The following OXSR1 variants were observed in gnomAD, a reference collection of about 807,000 sequenced individuals.
OXSR1 encodes the protein serine/threonine-protein kinase OSR1.
OXSR1 carries 24 observed loss-of-function variants against 79.8 expected under a neutral mutation model. The observed-to-expected ratio is 0.30, with a 90% confidence interval of 0.22 to 0.42. The LOEUF (loss-of-function observed/expected upper bound fraction) is 0.42, where lower values mean the gene tolerates loss of function less well. Among genes scored for constraint, OXSR1 ranks in the 10% least tolerant of loss-of-function variants. OXSR1 has a pLI of 1.00. For missense variants in OXSR1, 430 were observed against 618.4 expected (o/e 0.70, Z 3.23); for synonymous variants, 226 against 209.2 (o/e 1.08, Z -0.69).
rs1466272312 is a variant in OXSR1, at chr3:38,198,705, A to G, written c.293-17A>G. ...ATGATTTAGAGATTTTTAGAAAATT[A>G]TGTCTTCTGTTTTCAGGTTCTGTTC... On this transcript the variant is annotated splice_polypyrimidine_tract_variant and intron_variant, in intron 3 of 17. Transcript: ENST00000311806. The G allele has an allele frequency of 1.9e-6, 3 of 1,597,076 alleles. No individual in the cohort carries two copies. The highest frequency in any genetic ancestry group is 1.1e-5 in the South Asian group (1 of 89,774).
At chr3:38,203,582 CT>C (rs1281723222) in intron 4 of OXSR1, among the ~76,000 whole-genome samples, 6 of 152,116 alleles carry the variant, frequency 3.9e-5, no homozygotes, top group African/African-American at 1.4e-4. Context: ...CTCTTATAGA[CT>C]CATAGTGGTA....
At position 38,251,334 on chromosome 3, in the gene OXSR1, A is replaced by G. The variant is rs1277905921; in HGVS notation, c.1376-69A>G. On this transcript the variant is annotated intron_variant, in intron 15 of 17. Transcript: ENST00000311806. ...CCTAGCATGGCACACTGACACCCAC[A>G]TGAGCTGTGAGAGTTAACAGTGGCA... is the stretch of plus-strand genomic sequence containing the variant. The G allele has an allele frequency of 4.7e-6, 6 of 1,288,792 alleles. No homozygotes were observed. In the African/African-American group the frequency reaches 7.3e-5, roughly 16 times the overall value. The allele number at this position is 1,288,792 out of a possible 1,614,324, so 79.8% of individuals were successfully genotyped here. A position where few individuals can be genotyped will look rare whatever the true frequency, so the allele number is the denominator to read the frequency against.
intron 2 of OXSR1, among the ~76,000 whole-genome samples, chr3:38,190,119 A>AAGC (rs34352471): frequency 0.014 from 2,135 of 152,278 alleles, 52 homozygotes; most frequent in African/African-American, 0.049. Flanking sequence ...GAGTTAAAAG[A>AAGC]AGGTAAACAG....
intron 4 of OXSR1, among the ~76,000 whole-genome samples, chr3:38,201,515 C>T (rs992838044): frequency 6.6e-6 from 1 of 152,110 alleles, no homozygotes; most frequent in East Asian, 1.9e-4. Flanking sequence ...TTGAGACCAT[C>T]CTGGCTAACA....
chr3:38,192,680 C>T (rs1702005481), intron 3 of OXSR1, among the ~76,000 whole-genome samples: 1 of 152,130 alleles, frequency 6.6e-6, no homozygotes, highest in Non-Finnish European at 1.5e-5. Flanking sequence ...AACTGTGAAA[C>T]CTTGGCATGT....
intron 10 of OXSR1, among the ~76,000 whole-genome samples, chr3:38,236,349 G>C (rs1702918116): frequency 6.6e-6 from 1 of 152,170 alleles, no homozygotes; most frequent in Non-Finnish European, 1.5e-5. Context: ...TAGCTAAAAT[G>C]AGTTGAAAGT....
At chr3:38,226,018 T>A (rs1295070160) in intron 8 of OXSR1, among the ~76,000 whole-genome samples, 1 of 152,068 alleles carries the variant, frequency 6.6e-6, no homozygotes, top group Non-Finnish European at 1.5e-5. Context: ...ACCTGGACAT[T>A]CCACAGGTTT....
intron 1 of OXSR1, among the ~76,000 whole-genome samples, 161 bp from the exon 2 acceptor site, chr3:38,182,842 G>A (rs1163573784): frequency 2.0e-5 from 3 of 152,078 alleles, no homozygotes; most frequent in Non-Finnish European, 4.4e-5. Flanking sequence ...AATGGTTGAG[G>A]CTTTTGTTTT....
intron 4 of OXSR1, among the ~76,000 whole-genome samples, chr3:38,209,343 C>T (rs1702338273): frequency 6.6e-6 from 1 of 151,762 alleles, no homozygotes; most frequent in South Asian, 2.1e-4. Context: ...CTCAGACTCC[C>T]AAATAGCTGG....
chr3:38,172,005 C>T (rs535190321), intron 1 of OXSR1, among the ~76,000 whole-genome samples: 8 of 152,258 alleles, frequency 5.3e-5, no homozygotes, highest in Non-Finnish European at 1.0e-4. Flanking sequence ...AGAATAGTAC[C>T]TATGTCACTG....
chr3:38,212,677 T>C (rs1368027992), intron 4 of OXSR1, among the ~76,000 whole-genome samples: 4 of 152,216 alleles, frequency 2.6e-5, no homozygotes, highest in African/African-American at 9.7e-5. Context: ...ATATTCTTTT[T>C]AATTTTAGAA....
At position 38,229,956 on chromosome 3, in the gene OXSR1, A is replaced by T. The variant is rs34043814; in HGVS notation, c.885+221A>T. 2.9e-3 allele frequency among the ~76,000 whole-genome samples: 442 copies of T among 152,340 alleles called. 1 individual carries two copies. The highest frequency in any genetic ancestry group is 0.01 in the African/African-American group (422 of 41,582). ...ATTAGGTTAAACTGATCATAGGAACAATGATTATTAAATTTTGCCATTATA... is the reference window on the plus strand; with the variant it reads ...ATTAGGTTAAACTGATCATAGGAACTATGATTATTAAATTTTGCCATTATA... On this transcript the variant is annotated intron_variant, in intron 9 of 17. Transcript: ENST00000311806.
chr3:38,241,130 G>A (rs1397302498), intron 11 of OXSR1, among the ~76,000 whole-genome samples: 1 of 152,114 alleles, frequency 6.6e-6, no homozygotes, highest in Non-Finnish European at 1.5e-5. Context: ...GGAGAAGTAG[G>A]AAAATTCCTT....
intron 3 of OXSR1, among the ~76,000 whole-genome samples, chr3:38,195,059 A>G (rs1277654547): frequency 1.3e-5 from 2 of 152,236 alleles, no homozygotes; most frequent in Non-Finnish European, 2.9e-5. Flanking sequence ...TTGCTAGTTA[A>G]AACTGTCATG....
Position 38,165,562 on chromosome 3 carries a change from G to T in OXSR1, c.-315G>T. 2.7e-6 allele frequency: 1 copy of T among 375,734 alleles called. No homozygotes were observed. The highest frequency in any genetic ancestry group is 3.9e-5 in the South Asian group (1 of 25,868). 23.3% of individuals were successfully genotyped at this position (375,734 alleles called of 1,614,324 possible). A position where few individuals can be genotyped will look rare whatever the true frequency, so the allele number is the denominator to read the frequency against. ...GGCCCGTGCGTGGGGCTGGGGTGGA[G>T]GGCGGGACAGAGGGGCTGGGCCCAG... is the stretch of plus-strand genomic sequence containing the variant. On this transcript the variant is annotated 5_prime_UTR_variant, in exon 1 of 18. The change creates a new upstream start codon in the 5' untranslated region. Coordinates refer to ENST00000311806, the MANE Select transcript of OXSR1 (RefSeq NM_005109.3).
chr3:38,220,984 C>T (rs1446882606), intron 5 of OXSR1, among the ~76,000 whole-genome samples: 4 of 152,052 alleles, frequency 2.6e-5, no homozygotes, highest in Non-Finnish European at 4.4e-5. Context: ...CTAAGTTTAC[C>T]AATGTCATAC....
intron 6 of OXSR1, 73 bp from the exon 7 acceptor site, chr3:38,223,739 C>A: frequency 1.9e-6 from 2 of 1,043,258 alleles, no homozygotes; most frequent in Non-Finnish European, 2.9e-6. Flanking sequence ...TGTGAGCCTC[C>A]ACCCTGGCCA....
At chr3:38,250,492 C>T (rs1206593098) in intron 15 of OXSR1, among the ~76,000 whole-genome samples, 2 of 152,192 alleles carry the variant, frequency 1.3e-5, no homozygotes, top group African/African-American at 4.8e-5. Flanking sequence ...ACAAGGTCTG[C>T]AGTCTCCTCT....
Position 38,254,971 on chromosome 3 carries a change from A to G in OXSR1, c.*2080A>G, listed in dbSNP as rs35385989. ...TTTGCCCTGCTAGGAATTAGAAGAC[A>G]GACACCATGTCCCAGGACAGTGTTA... On this transcript the variant is annotated 3_prime_UTR_variant, in exon 18 of 18. Coordinates refer to ENST00000311806, the MANE Select transcript of OXSR1 (RefSeq NM_005109.3). The G allele has an allele frequency of 6.5e-6, 1 of 152,810 alleles. No individual in the cohort carries two copies. Among genetic ancestry groups the G allele is most frequent in the East Asian group, 1.9e-4 (1 of 5,182 alleles). The allele number at this position is 152,810 out of a possible 1,614,324, so 9.5% of individuals were successfully genotyped here. A position where few individuals can be genotyped will look rare whatever the true frequency, so the allele number is the denominator to read the frequency against.
Sources: allele counts gnomAD v4.1 joint callset (sites outside exome capture counted in the v4.1 genomes callset), GRCh38; gene constraint gnomAD v4.1.1; transcripts MANE v1.5; gene names NCBI Gene and HGNC (gene_info 2026-07-23, HGNC 2026-07-21).